MEIS2: variants seen among roughly 807,000 people sequenced by gnomAD.
MEIS2 encodes Meis homeobox 2, also known as homeobox protein Meis2.
Under a neutral mutation model 58.6 loss-of-function variants are expected in MEIS2, and 9 were observed. That is an observed-to-expected ratio of 0.15 (90% CI 0.09 to 0.27). MEIS2 has a LOEUF of 0.27. MEIS2 is among the 10% of genes least tolerant of loss of function. MEIS2 has a pLI of 1.00. For missense variants in MEIS2, 427 were observed against 635.0 expected, an observed-to-expected ratio of 0.67 and a Z score of 3.52; for synonymous variants, 221 against 228.4, an observed-to-expected ratio of 0.97 and a Z score of 0.29.
chr15:37,059,940 CT>C, intron 7 of MEIS2, among the ~76,000 whole-genome samples: 1 of 150,846 alleles, frequency 6.6e-6, no homozygotes, highest in East Asian at 2.0e-4. Flanking sequence ...AAAAAAAATT[CT>C]TTTTTTAGAA....
chr15:37,051,735 T>C (rs1291671710), intron 7 of MEIS2, among the ~76,000 whole-genome samples: 2 of 152,204 alleles, frequency 1.3e-5, no homozygotes, highest in South Asian at 2.1e-4. Flanking sequence ...ACAGAGATGC[T>C]GTAGTGGGAA....
chr15:36,894,808 A>G, intron 11 of MEIS2: 1 of 1,611,148 alleles, frequency 6.2e-7, no homozygotes, highest in Non-Finnish European at 8.5e-7. Flanking sequence ...TTCCACTCAT[A>G]GGTCCTAGAA....
At chr15:36,990,157 G>A (rs2060225150) in intron 8 of MEIS2, among the ~76,000 whole-genome samples, 1 of 152,100 alleles carries the variant, frequency 6.6e-6, no homozygotes, top group Admixed American at 6.5e-5. Context: ...ATGTTAGCCA[G>A]GATGGTCTTG....
intron 9 of MEIS2, among the ~76,000 whole-genome samples, chr15:36,929,639 C>T (rs780997116): frequency 1.1e-4 from 16 of 152,126 alleles, no homozygotes; most frequent in East Asian, 1.9e-4. Context: ...GCAGAGGGTC[C>T]GCTTTGTCCC....
At chr15:36,966,807 T>C (rs1390961997) in intron 8 of MEIS2, among the ~76,000 whole-genome samples, 1 of 152,188 alleles carries the variant, frequency 6.6e-6, no homozygotes, top group East Asian at 1.9e-4. Flanking sequence ...CTGGGGATGC[T>C]GCTCTTTTAT....
At chr15:36,964,441 C>T (rs2059291040) in intron 8 of MEIS2, among the ~76,000 whole-genome samples, 1 of 152,158 alleles carries the variant, frequency 6.6e-6, no homozygotes, top group Admixed American at 6.5e-5. Flanking sequence ...CGGTAATTCT[C>T]AAATTAGCAG....
At chr15:36,910,907 A>G (rs1038349858) in intron 9 of MEIS2, among the ~76,000 whole-genome samples, 1 of 152,132 alleles carries the variant, frequency 6.6e-6, no homozygotes, top group Non-Finnish European at 1.5e-5. Context: ...TTAGCCAGGC[A>G]TGGTGGCGGC....
intron 9 of MEIS2, among the ~76,000 whole-genome samples, chr15:36,939,349 G>A (rs1251145715): frequency 6.6e-6 from 1 of 152,138 alleles, no homozygotes; most frequent in Non-Finnish European, 1.5e-5. Flanking sequence ...AAGCAATCTG[G>A]CAATTATTTC....
intron 9 of MEIS2, among the ~76,000 whole-genome samples, chr15:36,925,310 G>A (rs920595798): frequency 1.3e-5 from 2 of 152,190 alleles, no homozygotes; most frequent in African/African-American, 4.8e-5. Flanking sequence ...CATGGGCAAC[G>A]TCCTTACGAA....
intron 7 of MEIS2, among the ~76,000 whole-genome samples, chr15:37,062,086 A>C (rs989059984): frequency 6.6e-5 from 10 of 152,232 alleles, no homozygotes; most frequent in Non-Finnish European, 1.2e-4. Context: ...CCTGAGGAGC[A>C]ACAAGTTATA....
intron 9 of MEIS2, among the ~76,000 whole-genome samples, chr15:36,938,128 T>G (rs17434381): frequency 6.6e-6 from 1 of 151,974 alleles, no homozygotes; most frequent in Non-Finnish European, 1.5e-5. Context: ...TCAGGGACCC[T>G]CTAAATCAAA....
intron 9 of MEIS2, among the ~76,000 whole-genome samples, chr15:36,909,281 A>G (rs1353962355): frequency 2.0e-5 from 3 of 151,940 alleles, no homozygotes; most frequent in Non-Finnish European, 4.4e-5. Flanking sequence ...ATTGTGATTT[A>G]CTCGTCTGAC....
intron 8 of MEIS2, among the ~76,000 whole-genome samples, chr15:36,983,215 C>A (rs2059986736): frequency 6.6e-6 from 1 of 152,032 alleles, no homozygotes; most frequent in Non-Finnish European, 1.5e-5. Flanking sequence ...CCAAAAAAAT[C>A]ATTGTCCAGA....
chr15:36,902,417 G>T (rs915367334), intron 9 of MEIS2, among the ~76,000 whole-genome samples: 5 of 151,746 alleles, frequency 3.3e-5, no homozygotes, highest in Admixed American at 3.3e-4. Context: ...TGCAGGGGTG[G>T]GAGGTGGATA....
chr15:36,925,104 T>A (rs1239533115), intron 9 of MEIS2, among the ~76,000 whole-genome samples: 1 of 152,048 alleles, frequency 6.6e-6, no homozygotes, highest in Non-Finnish European at 1.5e-5. Context: ...TCCCAAGTTC[T>A]TTGTAAGGGC....
intron 9 of MEIS2, among the ~76,000 whole-genome samples, chr15:36,933,517 T>C (rs2058056645): frequency 6.6e-6 from 1 of 151,302 alleles, no homozygotes; most frequent in African/African-American, 2.4e-5. Flanking sequence ...CAGAAAGAGA[T>C]AATCCTTTTT....
chr15:37,016,451 C>T (rs1289071705), intron 8 of MEIS2, among the ~76,000 whole-genome samples: 4 of 151,934 alleles, frequency 2.6e-5, no homozygotes, highest in South Asian at 4.2e-4. Flanking sequence ...ATTAAACCTG[C>T]GTCACAACAT....
chr15:37,005,045 T>C lies in MEIS2; in HGVS notation c.900+31769A>G, dbSNP rs570087079. On this transcript the variant is annotated intron_variant, in intron 8 of 11. Transcript: ENST00000561208. The stretch of plus-strand genomic sequence containing the variant: ...AAGTCATGTTGGAGCCTCTGGTTGA[T>C]TTTACCTGATGTTCTAAAAAATTCC... Among the ~76,000 whole-genome samples the C allele has an allele frequency of 3.3e-5, 5 of 152,308 alleles. No individual in the cohort carries two copies. In the South Asian group the frequency reaches 1.0e-3, roughly 32 times the overall value.
intron 9 of MEIS2, among the ~76,000 whole-genome samples, chr15:36,905,728 C>A (rs2056703452): frequency 1.3e-5 from 2 of 152,102 alleles, no homozygotes. Flanking sequence ...TCACATAAGA[C>A]AAATTTAATG....
Sources: allele counts gnomAD v4.1 joint callset (sites outside exome capture counted in the v4.1 genomes callset), GRCh38; gene constraint gnomAD v4.1.1; transcripts MANE v1.5; gene names NCBI Gene and HGNC (gene_info 2026-07-23, HGNC 2026-07-21).